RHCG: variants seen among roughly 807,000 people sequenced by gnomAD.
The protein encoded by RHCG is Rh family C glycoprotein, also known as ammonium transporter Rh type C.
RHCG carries 39 observed loss-of-function variants against 55.3 expected under a neutral mutation model. That is an observed-to-expected ratio of 0.70 (90% confidence interval 0.55 to 0.92). The LOEUF (loss-of-function observed/expected upper bound fraction) is 0.92, where lower values mean the gene tolerates loss of function less well. RHCG is among the 40% of genes least tolerant of loss of function. The pLI is 0.00. For missense variants in RHCG, 635 were observed against 627.9 expected (o/e 1.01, Z -0.12); for synonymous variants, 250 against 246.8 (o/e 1.01, Z -0.12).
chr15:89,486,712 G>T (rs891456660), intron 2 of RHCG, 87 bp downstream of exon 2: 6 of 1,412,058 alleles, frequency 4.2e-6, no homozygotes, highest in Non-Finnish European at 4.8e-6. Context: ...GGGTCCCGCC[G>T]ATGGGCACGC....
In RHCG at chr15:89,489,245, C is replaced by G. The variant is rs529103710; in HGVS notation, c.185-2260G>C. Among the ~76,000 whole-genome samples the G allele has an allele frequency of 5.9e-5, 9 of 152,104 alleles. No homozygotes were observed. In the South Asian group the frequency reaches 1.7e-3, roughly 28 times the overall value. ...GATCCTCCCACCTCAGCCTCTGCAG[C>G]AGCTGGGATTACAGGCATGTGCCAC... is the stretch of plus-strand genomic sequence containing the variant. On this transcript the variant is annotated intron_variant, in intron 1 of 10. Transcript: ENST00000268122.
At chr15:89,488,777 G>C (rs115624332) in intron 1 of RHCG, among the ~76,000 whole-genome samples, 49,583 of 150,792 alleles carry the variant, frequency 0.33, 8,538 homozygotes, top group Admixed American at 0.37. Flanking sequence ...GGAGAATGGG[G>C]GGGGGGGAGT....
chr15:89,478,423 C>T (rs1006639030), intron 5 of RHCG, among the ~76,000 whole-genome samples: 5 of 152,210 alleles, frequency 3.3e-5, no homozygotes, highest in Admixed American at 3.3e-4. Flanking sequence ...TACCGTGCTG[C>T]TGGCTGTAGG....
intron 1 of RHCG, among the ~76,000 whole-genome samples, chr15:89,495,817 T>C (rs1202586808): frequency 6.6e-6 from 1 of 152,204 alleles, no homozygotes; most frequent in Non-Finnish European, 1.5e-5. Flanking sequence ...CACGAGAGCA[T>C]GAGAGAAAGG....
In RHCG at chr15:89,474,084, G is replaced by C. The variant is rs181268210; in HGVS notation, c.1312-1221C>G. On this transcript the variant is annotated intron_variant, in intron 9 of 10. Transcript: ENST00000268122. ...ATAACACAGAACAATTCTTATGATAGAGTGGTAAGGAGAAAGAGACGGATA... is the reference window on the plus strand; with the variant it reads ...ATAACACAGAACAATTCTTATGATACAGTGGTAAGGAGAAAGAGACGGATA... 2.5e-3 allele frequency among the ~76,000 whole-genome samples: 386 copies of C among 152,316 alleles called. 1 individual carries two copies. Among genetic ancestry groups the C allele is most frequent in the African/African-American group, 8.8e-3 (366 of 41,554 alleles).
chr15:89,477,930 A>ACCCACGGCCACCCCT lies in RHCG; in HGVS notation c.867_881dup (p.Gly290_Gly294dup), dbSNP rs1259730332. 6.2e-7 allele frequency: 1 copy of ACCCACGGCCACCCCT among 1,612,780 alleles called. No individual in the cohort carries two copies. Among genetic ancestry groups the ACCCACGGCCACCCCT allele is most frequent in the Non-Finnish European group, 8.5e-7 (1 of 1,179,158 alleles). On this transcript the variant is annotated inframe_insertion, in exon 6 of 11. Transcript: ENST00000268122. The surrounding 1 kb of genome is among the most constrained non-coding windows in gnomAD (Gnocchi z 4.5). ...GCATGAGCATCATCTCAGCAGCGGT[A>ACCCACGGCCACCCCT]CCCACGGCCACCCCTCCTGCGAGCG...
At chr15:89,491,048 A>AGT (rs1326197215) in intron 1 of RHCG, among the ~76,000 whole-genome samples, 1 of 152,214 alleles carries the variant, frequency 6.6e-6, no homozygotes, top group Middle Eastern at 3.4e-3. Context: ...TTCGATGAGA[A>AGT]GGGTGTCAGT....
intron 9 of RHCG, among the ~76,000 whole-genome samples, chr15:89,475,854 C>T (rs1001512369): frequency 2.6e-5 from 4 of 152,156 alleles, no homozygotes; most frequent in Admixed American, 6.5e-5. Context: ...CATCTTAGCG[C>T]GAAAACCGCT....
Position 89,483,092 on chromosome 15 carries a change from T to C in RHCG, c.497A>G (p.Glu166Gly), listed in dbSNP as rs1246345565. 6.2e-7 allele frequency: 1 copy of C among 1,602,682 alleles called. No homozygotes were observed. The highest frequency in any genetic ancestry group is 1.1e-5 in the South Asian group (1 of 90,614). The change falls in exon 3 of 11, where the codon GAG becomes GGG. Residue 166 changes from glutamate to glycine, a missense_variant. Glu to Gly is a moderately conservative substitution (Grantham distance 98). Coordinates refer to ENST00000268122, the MANE Select transcript of RHCG (RefSeq NM_016321.3). Reference sequence around the variant, plus strand: ...CTTTAGCAGGTTAAGGAGAATGAACTCATTCACAGCGAAGAGGGTCACTTG... The same window carrying C: ...CTTTAGCAGGTTAAGGAGAATGAACCCATTCACAGCGAAGAGGGTCACTTG... ...FFQVTLFAVN[E>G]FILLNLLKVK...
rs533585835 is a variant in RHCG at position 89,490,587 on chromosome 15, A to G, written c.185-3602T>C. On this transcript the variant is annotated intron_variant, in intron 1 of 10. Coordinates refer to ENST00000268122, the MANE Select transcript of RHCG (RefSeq NM_016321.3). ...ATTATGGTTATTCTGGGAAGAACTG[A>G]TGGGTGACAGACTGGAAGAGAGGTG... 9.8e-5 allele frequency among the ~76,000 whole-genome samples: 15 copies of G among 152,340 alleles called. No homozygotes were observed. In the South Asian group the frequency reaches 1.7e-3, roughly 17 times the overall value.
Position 89,474,928 on chromosome 15 carries a change from G to T in RHCG, c.1311+1827C>A, listed in dbSNP as rs1489186956. Among the ~76,000 whole-genome samples the T allele has an allele frequency of 1.0e-3, 106 of 101,282 alleles. 10 individuals carry two copies. The highest frequency in any genetic ancestry group is 8.2e-3 in the Middle Eastern group (1 of 122). The allele number at this position is 101,282 out of a possible 152,430, so 66.4% of individuals were successfully genotyped here. A position where few individuals can be genotyped will look rare whatever the true frequency, so the allele number is the denominator to read the frequency against. On this transcript the variant is annotated intron_variant, in intron 9 of 10. Transcript: ENST00000268122. The stretch of plus-strand genomic sequence containing the variant: ...TGCCTGCCTTCCTTCCTGCCTGCCT[G>T]CCTTCCTGCCTTCCTGCCTTCATTC...
In RHCG at chr15:89,472,801, G is replaced by A. The variant is rs369233383; in HGVS notation, c.1374C>T (p.Pro458=). Residue 458 remains proline, a synonymous_variant, in exon 10 of 11, where the codon CCC becomes CCT. Transcript: ENST00000268122. The stretch of plus-strand genomic sequence containing the variant: ...ACACCATGGGTACTGAGGGTACTGA[G>A]GGTCCTGAGGGCTTGAAGGTGGGGT... ...PEDPTFKPSG[P]SVPSVPMVSP... 10 of 1,559,170 alleles carry A rather than the reference G, an allele frequency of 6.4e-6. No individual in the cohort carries two copies. Among genetic ancestry groups the A allele is most frequent in the Non-Finnish European group, 8.7e-6 (10 of 1,151,066 alleles).
chr15:89,473,683 G>T (rs567812758), intron 9 of RHCG, among the ~76,000 whole-genome samples: 2 of 152,298 alleles, frequency 1.3e-5, no homozygotes, highest in Admixed American at 1.3e-4. Flanking sequence ...GGTATTACAA[G>T]TAATCTACAG....
At chr15:89,479,585 G>C in intron 4 of RHCG, 97 bp from the exon 5 acceptor site, 1 of 1,125,496 alleles carries the variant, frequency 8.9e-7, no homozygotes, top group South Asian at 1.6e-5. Flanking sequence ...CTCTAGAGAT[G>C]ACCCCACACC....
rs544300336 is a variant in RHCG, at chr15:89,493,390, G to C, written c.184+2971C>G. 2.6e-5 allele frequency among the ~76,000 whole-genome samples: 4 copies of C among 152,340 alleles called. 1 individual carries two copies. The South Asian group carries it at 8.3e-4, about 32-fold the overall frequency. ...ACGGGCCTCCGAGGGCACTGCCAAC[G>C]TGAGTCCCCAGCTGGCTCCATGCCT... is the stretch of plus-strand genomic sequence containing the variant. On this transcript the variant is annotated intron_variant, in intron 1 of 10. Transcript: ENST00000268122.
intron 2 of RHCG, 112 bp downstream of exon 2, chr15:89,486,687 T>A: frequency 1.1e-5 from 11 of 979,006 alleles, no homozygotes; most frequent in East Asian, 3.6e-5. Context: ...GGAGTTGCCC[T>A]CCAGCCTCAA....
At chr15:89,486,595 A>AGAGTGT (rs1961368836) in intron 2 of RHCG, 8 of 333,466 alleles carry the variant, frequency 2.4e-5, no homozygotes, top group South Asian at 4.5e-5. Context: ...AGAGAGAGAG[A>AGAGTGT]GAGAGTGTGT....
intron 4 of RHCG, chr15:89,479,782 G>A (rs1205630745): frequency 4.4e-6 from 2 of 449,688 alleles, no homozygotes; most frequent in Non-Finnish European, 8.0e-6. Context: ...CTCTACTGTA[G>A]GGAGATCCTC....
chr15:89,480,795 G>A (rs1961252739), intron 3 of RHCG, among the ~76,000 whole-genome samples: 1 of 152,228 alleles, frequency 6.6e-6, no homozygotes, highest in African/African-American at 2.4e-5. Flanking sequence ...TACACCACCT[G>A]CTAGTGCCTT....
Sources: gnomAD v4.1 joint callset for allele counts (sites outside exome capture counted in the v4.1 genomes callset) on GRCh38, gnomAD v4.1.1 for gene constraint, Gnocchi (gnomAD v3.1) non-coding constraint, MANE v1.5 for transcripts, NCBI Gene and HGNC (gene_info 2026-07-23, HGNC 2026-07-21) for gene names.